Variants in FMO2 observed in about 807,000 individuals in gnomAD.
The protein encoded by FMO2 is flavin-containing monooxygenase 2.
Under a neutral mutation model 41.6 loss-of-function variants are expected in FMO2, and 33 were observed. That is an observed-to-expected ratio of 0.79 (90% CI 0.60 to 1.06). FMO2 has a LOEUF of 1.06. Among genes scored for constraint, FMO2 ranks in the 50% least tolerant of loss-of-function variants. FMO2 has a pLI of 0.00. For synonymous variants in FMO2, 214 were observed against 219.6 expected (o/e 0.97, Z 0.23); for missense variants, 619 against 632.9 (o/e 0.98, Z 0.23).
Position 171,193,414 on chromosome 1 carries a change from A to ACGC in FMO2, c.213_214insGCC (p.Asp71_Phe72insAla), listed in dbSNP as rs1328297538. ...AGCAAAGAAATGTCCTGTTTCAGTG[A>ACGC]CTTTCCAATGCCTGAAGATTTTCCA... On this transcript the variant is annotated inframe_insertion, in exon 3 of 9. Coordinates refer to ENST00000209929, the MANE Select transcript of FMO2 (RefSeq NM_001460.5). 4 of 1,612,180 alleles carry ACGC rather than the reference A, an allele frequency of 2.5e-6. No homozygotes were observed. The African/African-American group carries it at 4.0e-5, about 16-fold the overall frequency.
At chr1:171,188,574 A>G (rs1402054984) in intron 2 of FMO2, among the ~76,000 whole-genome samples, 2 of 152,188 alleles carry the variant, frequency 1.3e-5, no homozygotes, top group Non-Finnish European at 2.9e-5. Context: ...CACTACGGCT[A>G]TGTGAGGGTT....
At chr1:171,204,724 A>C (rs932931951) in intron 6 of FMO2, among the ~76,000 whole-genome samples, 12 of 152,180 alleles carry the variant, frequency 7.9e-5, no homozygotes, top group African/African-American at 2.9e-4. Context: ...AATCTACAAA[A>C]AAAATAAGCG....
rs12084936 is a variant in FMO2 at position 171,187,625 on chromosome 1, A to C, written c.132+1780A>C. On this transcript the variant is annotated intron_variant, in intron 2 of 8. Coordinates refer to ENST00000209929, the MANE Select transcript of FMO2 (RefSeq NM_001460.5). ...ACTGATTCCTTTGGTTAAACCTGCC[A>C]CCAAAAAAAAAAAAAAAAAAAAAAA... Among the ~76,000 whole-genome samples the C allele has an allele frequency of 1.8e-4, 19 of 103,130 alleles. No homozygotes were observed. The East Asian group carries it at 5.7e-3, about 31-fold the overall frequency. The allele number at this position is 103,130 out of a possible 152,430, so 67.7% of individuals were successfully genotyped here.
Position 171,208,829 on chromosome 1 carries a change from A to C in FMO2, c.1292A>C (p.Asn431Thr), listed in dbSNP as rs61730973. 343 of 1,613,966 alleles carry C rather than the reference A, an allele frequency of 2.1e-4. 1 individual carries two copies. The African/African-American group carries it at 3.7e-3, about 17-fold the overall frequency. ...GESQSQTLQT[N>T]YVDYLDELAL... ...AGCCAGAGCCAGACGTTGCAGACCA[A>C]TTATGTTGACTACTTGGACGAGCTC... The change falls in exon 9 of 9, where the codon AAT (asparagine) becomes ACT (threonine). Residue 431 changes from asparagine to threonine, a missense_variant. Physicochemically the swap from Asn to Thr is moderately conservative, Grantham distance 65. Transcript: ENST00000209929.
At position 171,189,659 on chromosome 1, in the gene FMO2, C is replaced by CTTT. The variant is rs397827245; in HGVS notation, c.133-3661_133-3659dup. On this transcript the variant is annotated intron_variant, in intron 2 of 8. Transcript: ENST00000209929. The stretch of plus-strand genomic sequence containing the variant: ...AATCTGAGCCCGTCTTTTTTCTTTT[C>CTTT]TTTTTTTTTTTTTTTTTGAGATGGA... Among the ~76,000 whole-genome samples, 179 of 121,460 alleles carry CTTT rather than the reference C, an allele frequency of 1.5e-3. 2 individuals are homozygous for CTTT. The highest frequency in any genetic ancestry group is 2.7e-3 in the African/African-American group (91 of 34,114). 79.7% of individuals were successfully genotyped at this position (121,460 alleles called of 152,430 possible).
intron 2 of FMO2, among the ~76,000 whole-genome samples, chr1:171,190,534 C>T (rs1344747058): frequency 1.3e-5 from 2 of 152,218 alleles, no homozygotes; most frequent in Admixed American, 6.5e-5. Context: ...TCTGTCTCCA[C>T]TTTCACATCT....
rs1399778715 is a variant in FMO2, at chr1:171,204,004, T to C, written c.767T>C (p.Ile256Thr). Reference protein sequence around the residue: ...VLPRTAVKWMIEQQMNRWFNH... With the variant: ...VLPRTAVKWMTEQQMNRWFNH... The stretch of plus-strand genomic sequence containing the variant: ...CCACGAACAGCTGTAAAATGGATGA[T>C]AGAACAACAGATGAATCGGTGGTTC... Residue 256 changes from isoleucine to threonine, a missense_variant, in exon 6 of 9, where the codon ATA (isoleucine) becomes ACA (threonine). Ile to Thr is a moderately conservative substitution (Grantham distance 89, BLOSUM62 -1). Coordinates refer to ENST00000209929, the MANE Select transcript of FMO2 (RefSeq NM_001460.5). 1.9e-6 allele frequency: 3 copies of C among 1,613,780 alleles called. No individual in the cohort carries two copies. Among genetic ancestry groups the C allele is most frequent in the East Asian group, 2.2e-5 (1 of 44,864 alleles).
chr1:171,212,540 A>AT lies in FMO2; in HGVS notation c.*3401dup, dbSNP rs563369760. Among the ~76,000 whole-genome samples, 1 of 152,016 alleles carries AT rather than the reference A, an allele frequency of 6.6e-6. No homozygotes were observed. Among genetic ancestry groups the AT allele is most frequent in the Non-Finnish European group, 1.5e-5 (1 of 67,998 alleles). ...CTATTCCCTTTATGATAGTTTCTTAATTTTTTCTATCAAAAGCTAAATATG... is the reference window on the plus strand; with the variant it reads ...CTATTCCCTTTATGATAGTTTCTTAATTTTTTTCTATCAAAAGCTAAATATG... On this transcript the variant is annotated 3_prime_UTR_variant, in exon 9 of 9. Transcript: ENST00000209929.
At chr1:171,189,805 C>A (rs1658008275) in intron 2 of FMO2, among the ~76,000 whole-genome samples, 1 of 151,866 alleles carries the variant, frequency 6.6e-6, no homozygotes, top group Admixed American at 6.6e-5. Flanking sequence ...ACATCTGGAC[C>A]CATCTTCTAA....
At position 171,196,744 on chromosome 1, in the gene FMO2, CTTTGACGCAGTTATGG is replaced by C. The variant is rs1658325680; in HGVS notation, c.422_437del (p.Asp141AlafsTer12). 1 of 1,613,584 alleles carries C rather than the reference CTTTGACGCAGTTATGG, an allele frequency of 6.2e-7. No individual in the cohort carries two copies. The highest frequency in any genetic ancestry group is 1.3e-5 in the African/African-American group (1 of 74,918). On this transcript the variant is annotated frameshift_variant, in exon 4 of 9. Coordinates refer to ENST00000209929, the MANE Select transcript of FMO2 (RefSeq NM_001460.5). LOFTEE classifies it high-confidence loss of function. ...GCAACGGCAAGGAGCAGAGTGCTGT[CTTTGACGCAGTTATGG>C]TTTGCAGTGGCCACCACATTCTACC...
chr1:171,194,607 A>G (rs962441023), intron 3 of FMO2, among the ~76,000 whole-genome samples: 2 of 152,174 alleles, frequency 1.3e-5, no homozygotes, highest in Non-Finnish European at 2.9e-5. Context: ...AAAATTTTTA[A>G]AAGATTATCC....
intron 3 of FMO2, among the ~76,000 whole-genome samples, chr1:171,196,346 AAG>A (rs1658311732): frequency 6.6e-6 from 1 of 152,200 alleles, no homozygotes; most frequent in African/African-American, 2.4e-5. Context: ...GTCTTTGTGT[AAG>A]GTGGTGGTTT....
intron 2 of FMO2, among the ~76,000 whole-genome samples, chr1:171,190,306 A>G (rs1258181597): frequency 1.3e-5 from 2 of 152,344 alleles, no homozygotes; most frequent in Non-Finnish European, 2.9e-5. Context: ...TTGGTTTGCT[A>G]GAGTTTTCTG....
intron 5 of FMO2, among the ~76,000 whole-genome samples, chr1:171,201,013 T>C (rs1658513707): frequency 6.6e-6 from 1 of 152,186 alleles, no homozygotes; most frequent in Non-Finnish European, 1.5e-5. Context: ...TATCAAATCT[T>C]AGATGGCAAG....
rs28369835 is a variant in FMO2, at chr1:171,191,689, C to T, written c.133-1646C>T. On this transcript the variant is annotated intron_variant, in intron 2 of 8. Transcript: ENST00000209929. ...TAGGATATCAATCCAGTCGGTGTGACTCCAGAACCCTCCTATTTACTCTAT... is the reference window on the plus strand; with the variant it reads ...TAGGATATCAATCCAGTCGGTGTGATTCCAGAACCCTCCTATTTACTCTAT... Among the ~76,000 whole-genome samples, 664 of 151,948 alleles carry T rather than the reference C, an allele frequency of 4.4e-3. 6 individuals carry two copies. Among genetic ancestry groups the T allele is most frequent in the African/African-American group, 0.015 (641 of 41,430 alleles).
At chr1:171,197,736 A>G (rs1224736326) in intron 4 of FMO2, among the ~76,000 whole-genome samples, 1 of 152,144 alleles carries the variant, frequency 6.6e-6, no homozygotes, top group Non-Finnish European at 1.5e-5. Context: ...AGGTTAATGG[A>G]TTATTGGGTT....
intron 2 of FMO2, among the ~76,000 whole-genome samples, chr1:171,189,470 G>A (rs184796537): frequency 7.7e-4 from 117 of 152,098 alleles, no homozygotes; most frequent in Non-Finnish European, 1.3e-3. Context: ...GTAAATACCT[G>A]AGCCAGGGAA....
chr1:171,187,965 G>T (rs1190987489), intron 2 of FMO2, among the ~76,000 whole-genome samples: 1 of 150,778 alleles, frequency 6.6e-6, no homozygotes, highest in Non-Finnish European at 1.5e-5. Flanking sequence ...TAATATGGTG[G>T]TCATTCCTGT....
In FMO2 at chr1:171,204,072, T is replaced by C; in HGVS notation, c.827+8T>C. 1 of 1,611,564 alleles carries C rather than the reference T, an allele frequency of 6.2e-7. No homozygotes were observed. On this transcript the variant is annotated splice_region_variant and intron_variant, in intron 6 of 8. Transcript: ENST00000209929. ...CCTTGAGCCTCAAAACAAGTAGAGT[T>C]ATTTTGCTTTTTTAATGGTATACTC...
Sources: gnomAD v4.1 joint callset for allele counts (sites outside exome capture counted in the v4.1 genomes callset) on GRCh38, gnomAD v4.1.1 for gene constraint, MANE v1.5 for transcripts, NCBI Gene and HGNC (gene_info 2026-07-23, HGNC 2026-07-21) for gene names.